FAM107B: variants seen among roughly 807,000 people sequenced by gnomAD.
FAM107B encodes the protein family with sequence similarity 107 member B.
In FAM107B, 21 loss-of-function variants were observed where a neutral mutation model predicts 31.5. The observed-to-expected ratio is 0.67, with a 90% CI of 0.47 to 0.96. The LOEUF (loss-of-function observed/expected upper bound fraction) is 0.96, where lower values mean the gene tolerates loss of function less well. Ranked by LOEUF, FAM107B falls within the 40% of genes least tolerant of loss-of-function variation. The probability of loss-of-function intolerance (pLI) is 0.00; values close to 1 mark genes in which losing one functional copy is unlikely to be tolerated. For synonymous variants in FAM107B, 157 were observed against 141.5 expected, an observed-to-expected ratio of 1.11 and a Z score of -0.78; for missense variants, 452 against 377.1, an observed-to-expected ratio of 1.20 and a Z score of -1.64.
intron 2 of FAM107B, among the ~76,000 whole-genome samples, chr10:14,636,918 C>A (rs549137950): frequency 1.6e-4 from 25 of 152,054 alleles, no homozygotes; most frequent in Non-Finnish European, 3.1e-4. Context: ...CATATCTTTC[C>A]AAAGAGGTTG....
At chr10:14,637,931 G>A (rs987981301) in intron 2 of FAM107B, among the ~76,000 whole-genome samples, 1 of 152,148 alleles carries the variant, frequency 6.6e-6, no homozygotes. Flanking sequence ...CACTTTGATT[G>A]CAGTCATTTG....
At chr10:14,727,235 A>C (rs1055538767) in intron 1 of FAM107B, among the ~76,000 whole-genome samples, 2 of 152,184 alleles carry the variant, frequency 1.3e-5, no homozygotes, top group African/African-American at 4.8e-5. Flanking sequence ...CCCAGTTCCT[A>C]ACAGGCCACA....
chr10:14,666,384 A>G (rs943592121), intron 2 of FAM107B, among the ~76,000 whole-genome samples: 1 of 152,130 alleles, frequency 6.6e-6, no homozygotes, highest in Non-Finnish European at 1.5e-5. Flanking sequence ...AGCCCCTTAT[A>G]AAACCATCAG....
At chr10:14,561,910 G>A (rs1367168623) in intron 2 of FAM107B, among the ~76,000 whole-genome samples, 5 of 152,118 alleles carry the variant, frequency 3.3e-5, no homozygotes, top group East Asian at 1.9e-4. Flanking sequence ...TCAGCCTCCC[G>A]AGTAGCTGGG....
intron 2 of FAM107B, among the ~76,000 whole-genome samples, chr10:14,584,789 C>T (rs1331116544): frequency 6.6e-6 from 1 of 152,204 alleles, no homozygotes; most frequent in African/African-American, 2.4e-5. Flanking sequence ...TTGCAACCCC[C>T]ACCTTTTCTG....
At chr10:14,632,993 G>A (rs531831901) in intron 2 of FAM107B, among the ~76,000 whole-genome samples, 4 of 152,168 alleles carry the variant, frequency 2.6e-5, no homozygotes, top group Non-Finnish European at 5.9e-5. Context: ...GAGGTCAGGA[G>A]TTCGAGACTA....
chr10:14,559,682 G>T (rs1045265538), intron 2 of FAM107B, among the ~76,000 whole-genome samples: 2 of 151,062 alleles, frequency 1.3e-5, no homozygotes, highest in Non-Finnish European at 2.9e-5. Context: ...TGATTCTCCT[G>T]CCTCAGCCTT....
chr10:14,553,920 C>T (rs1397466317), intron 2 of FAM107B, among the ~76,000 whole-genome samples: 2 of 152,090 alleles, frequency 1.3e-5, no homozygotes, highest in South Asian at 2.1e-4. Flanking sequence ...ATGGGAGGGC[C>T]AGGCTTCAAA....
At chr10:14,522,804 A>G (rs923322938) in intron 3 of FAM107B, among the ~76,000 whole-genome samples, 1 of 152,120 alleles carries the variant, frequency 6.6e-6, no homozygotes, top group Non-Finnish European at 1.5e-5. Context: ...TTCATTTTTC[A>G]GACTGAAAGG....
Position 14,626,499 on chromosome 10 carries a change from C to G in FAM107B, c.469+41135G>C, listed in dbSNP as rs553762387. On this transcript the variant is annotated intron_variant, in intron 2 of 4. Coordinates refer to ENST00000181796, the MANE Select transcript of FAM107B (RefSeq NM_031453.4). The stretch of plus-strand genomic sequence containing the variant: ...ACAAACTGTGGAATTTGAGGCGGAT[C>G]TTTTTTTTCTTTTTTTTTTTTTGAG... Among the ~76,000 whole-genome samples, 170 of 109,042 alleles carry G rather than the reference C, an allele frequency of 1.6e-3. 5 individuals are homozygous for G. Among genetic ancestry groups the G allele is most frequent in the Non-Finnish European group, 5.4e-4 (30 of 55,882 alleles). 71.5% of individuals were successfully genotyped at this position (109,042 alleles called of 152,430 possible).
chr10:14,704,175 G>T (rs1036000862), intron 1 of FAM107B, among the ~76,000 whole-genome samples: 3 of 152,102 alleles, frequency 2.0e-5, no homozygotes, highest in Non-Finnish European at 4.4e-5. Flanking sequence ...TGCCCTTAGA[G>T]ATTTTAAGGC....
At chr10:14,771,595 G>A (rs931086167) in intron 1 of FAM107B, among the ~76,000 whole-genome samples, 18 of 151,852 alleles carry the variant, frequency 1.2e-4, no homozygotes, top group African/African-American at 4.1e-4. Context: ...ATACAACTGT[G>A]ATATATCAAT....
intron 2 of FAM107B, among the ~76,000 whole-genome samples, chr10:14,656,248 C>T (rs1227176956): frequency 6.6e-6 from 1 of 152,138 alleles, no homozygotes; most frequent in Admixed American, 6.6e-5. Context: ...TACACCACTC[C>T]GAACCAGTGT....
In FAM107B at chr10:14,520,093, CA is replaced by C. The variant is rs534245582; in HGVS notation, c.*1096del. 1.2e-3 allele frequency: 180 copies of C among 152,594 alleles called. 1 individual carries two copies. Among genetic ancestry groups the C allele is most frequent in the African/African-American group, 3.9e-3 (162 of 41,506 alleles). The allele number at this position is 152,594 out of a possible 1,614,324, so 9.5% of individuals were successfully genotyped here. On this transcript the variant is annotated 3_prime_UTR_variant, in exon 5 of 5. Transcript: ENST00000181796. ...AGACAGTGGTGAAAGTCTTTCTTCA[CA>C]AGGAAAAACAAAGATAAAGAAATAC...
rs144013023 is a variant in FAM107B at position 14,555,604 on chromosome 10, A to C, written c.470-25089T>G. Among the ~76,000 whole-genome samples the C allele has an allele frequency of 5.9e-5, 9 of 152,202 alleles. No homozygotes were observed. The East Asian group carries it at 1.7e-3, about 29-fold the overall frequency. On this transcript the variant is annotated intron_variant, in intron 2 of 4. Transcript: ENST00000181796. ...TTCTCTTAAAATGTTCACTTCTGAG[A>C]TAAAGATTTGATTCAGTGACTTGGA...
At chr10:14,530,158 G>C in intron 3 of FAM107B, 174 bp downstream of exon 3, 1 of 668,576 alleles carries the variant, frequency 1.5e-6, no homozygotes, top group Admixed American at 3.1e-5. Context: ...ACCTGCAGGG[G>C]ATCTGCCTCA....
chr10:14,675,709 T>C (rs1854665908), intron 1 of FAM107B, among the ~76,000 whole-genome samples: 1 of 142,392 alleles, frequency 7.0e-6, no homozygotes, highest in Non-Finnish European at 1.5e-5. Context: ...TAGCTTTTTA[T>C]TTTTTCTCAT....
chr10:14,732,968 G>A (rs1386524933), intron 1 of FAM107B, among the ~76,000 whole-genome samples: 2 of 143,544 alleles, frequency 1.4e-5, no homozygotes, highest in Non-Finnish European at 3.0e-5. Context: ...ACCTTATATT[G>A]TATTCTATAG....
intron 1 of FAM107B, among the ~76,000 whole-genome samples, chr10:14,672,997 T>C (rs1018220808): frequency 1.3e-5 from 2 of 152,176 alleles, no homozygotes; most frequent in Admixed American, 1.3e-4. Context: ...CTTGGTTCCA[T>C]TCTTTTAAAT....
Sources: gnomAD v4.1 joint callset for allele counts (sites outside exome capture counted in the v4.1 genomes callset) on GRCh38, gnomAD v4.1.1 for gene constraint, MANE v1.5 for transcripts, NCBI Gene and HGNC (gene_info 2026-07-23, HGNC 2026-07-21) for gene names.